COTL1: variants seen among roughly 807,000 people sequenced by gnomAD.
COTL1 encodes the protein coactosin-like protein.
Under a neutral mutation model 16.5 loss-of-function variants are expected in COTL1, and 15 were observed. That is an observed-to-expected ratio of 0.91 (90% CI 0.61 to 1.40). COTL1 has a LOEUF of 1.40. Ranked by LOEUF, COTL1 falls within the 40% of genes most tolerant of loss-of-function variation. The pLI is 0.00. For missense variants in COTL1, 220 were observed against 201.5 expected (o/e 1.09, Z -0.56); for synonymous variants, 112 against 85.3 (o/e 1.31, Z -1.73).
intron 3 of COTL1, among the ~76,000 whole-genome samples, chr16:84,577,279 C>A (rs2967844): frequency 0.042 from 6,334 of 152,256 alleles, 158 homozygotes; most frequent in African/African-American, 0.051. Context: ...GAGTCTTGCT[C>A]CACTGCCCAG....
chr16:84,617,959 G>A lies in COTL1; in HGVS notation c.-45C>T. On this transcript the variant is annotated 5_prime_UTR_variant, in exon 1 of 4. Coordinates refer to ENST00000262428, the MANE Select transcript of COTL1 (RefSeq NM_021149.5). ...GACACTGTCCGGGGCGGCCGAGCGC[G>A]CCCCTGGCCGGCGGCGGGGATGGGA... 5 of 1,409,940 alleles carry A rather than the reference G, an allele frequency of 3.5e-6. No individual in the cohort carries two copies. Among genetic ancestry groups the A allele is most frequent in the Non-Finnish European group, 4.7e-6 (5 of 1,070,162 alleles). The allele number at this position is 1,409,940 out of a possible 1,614,324, so 87.3% of individuals were successfully genotyped here.
At chr16:84,604,384 ATCC>A (rs1231188799) in intron 2 of COTL1, among the ~76,000 whole-genome samples, 1 of 122,970 alleles carries the variant, frequency 8.1e-6, no homozygotes, top group Non-Finnish European at 1.7e-5. Flanking sequence ...CAGGAGCCTC[ATCC>A]TCCTTTTTTC....
intron 3 of COTL1, among the ~76,000 whole-genome samples, chr16:84,570,480 C>T (rs1224281358): frequency 8.7e-6 from 1 of 115,024 alleles, no homozygotes; most frequent in East Asian, 3.2e-4. Context: ...ATGTTTCAAA[C>T]TACAAAAAAA....
chr16:84,581,005 G>C (rs1387459132), intron 3 of COTL1, among the ~76,000 whole-genome samples: 2 of 152,130 alleles, frequency 1.3e-5, no homozygotes, highest in Non-Finnish European at 2.9e-5. Context: ...GGCTGGGCAT[G>C]GTGGCAGGTG....
At chr16:84,600,427 C>G (rs777639018) in intron 2 of COTL1, among the ~76,000 whole-genome samples, 8 of 151,828 alleles carry the variant, frequency 5.3e-5, no homozygotes, top group Non-Finnish European at 1.0e-4. Flanking sequence ...ATTCTCCTGC[C>G]TCAGCCTCCT....
At position 84,617,924 on chromosome 16, in the gene COTL1, G is replaced by A. The variant is rs1905544634; in HGVS notation, c.-10C>T. On this transcript the variant is annotated 5_prime_UTR_variant, in exon 1 of 4. Coordinates refer to ENST00000262428, the MANE Select transcript of COTL1 (RefSeq NM_021149.5). ...CGATCTTGGTGGCCATCGCCGCGGA[G>A]CCGCAGCGGGACACTGTCCGGGGCG... 2 of 1,549,182 alleles carry A rather than the reference G, an allele frequency of 1.3e-6. No individual in the cohort carries two copies. The highest frequency in any genetic ancestry group is 1.7e-6 in the Non-Finnish European group (2 of 1,147,242).
At chr16:84,581,198 G>A (rs2326337) in intron 3 of COTL1, among the ~76,000 whole-genome samples, 55,774 of 151,698 alleles carry the variant, frequency 0.37, 11,502 homozygotes, top group African/African-American at 0.56. Flanking sequence ...TATGACATGA[G>A]CAACAAGAAG....
At position 84,617,590 on chromosome 16, in the gene COTL1, G is replaced by T. The variant is rs1452610813; in HGVS notation, c.78-7C>A. 1.5e-5 allele frequency: 23 copies of T among 1,553,226 alleles called. 1 individual carries two copies. The highest frequency in any genetic ancestry group is 1.9e-5 in the Non-Finnish European group (22 of 1,147,570). ...GTCATATTTAAAAGTCACCCTTTGG[G>T]TTGGGAGAAGAAAAAAACACACACA... On this transcript the variant is annotated splice_region_variant and splice_polypyrimidine_tract_variant and intron_variant, in intron 1 of 3. Transcript: ENST00000262428.
At chr16:84,613,313 A>T (rs1905382071) in intron 2 of COTL1, among the ~76,000 whole-genome samples, 1 of 152,122 alleles carries the variant, frequency 6.6e-6, no homozygotes, top group African/African-American at 2.4e-5. Context: ...AGTGTTTCTG[A>T]TTCCAAAGTG....
Position 84,594,395 on chromosome 16 carries a change from A to C in COTL1, c.161-4133T>G, listed in dbSNP as rs566974884. 1.3e-5 allele frequency: 2 copies of C among 152,458 alleles called. 1 individual carries two copies. The highest frequency in any genetic ancestry group is 4.1e-4 in the South Asian group (2 of 4,832). The allele number at this position is 152,458 out of a possible 1,614,324, so 9.4% of individuals were successfully genotyped here. A position where few individuals can be genotyped will look rare whatever the true frequency, so the allele number is the denominator to read the frequency against. ...TGGCAGTTCCTCACTTGTAAGGTGC[A>C]AAGTGCGCAGCCACAGGCGGCTGGT... is the stretch of plus-strand genomic sequence containing the variant. On this transcript the variant is annotated intron_variant, in intron 2 of 3. Coordinates refer to ENST00000262428, the MANE Select transcript of COTL1 (RefSeq NM_021149.5).
intron 3 of COTL1, among the ~76,000 whole-genome samples, chr16:84,578,788 C>G (rs996445055): frequency 2.0e-5 from 3 of 151,744 alleles, no homozygotes; most frequent in Admixed American, 1.3e-4. Context: ...CATACACACA[C>G]AGACACACAG....
chr16:84,600,726 C>A (rs1033088439), intron 2 of COTL1, among the ~76,000 whole-genome samples: 3 of 152,176 alleles, frequency 2.0e-5, no homozygotes, highest in African/African-American at 7.2e-5. Flanking sequence ...GCAGGAGACT[C>A]CTCAAATGAT....
At chr16:84,612,043 T>TC (rs1166519266) in intron 2 of COTL1, among the ~76,000 whole-genome samples, 3 of 151,920 alleles carry the variant, frequency 2.0e-5, no homozygotes, top group Non-Finnish European at 4.4e-5. Context: ...CCATCATCTC[T>TC]CCCCCTTCCA....
At chr16:84,600,395 C>A (rs1236535618) in intron 2 of COTL1, among the ~76,000 whole-genome samples, 1 of 150,896 alleles carries the variant, frequency 6.6e-6, no homozygotes, top group Non-Finnish European at 1.5e-5. Flanking sequence ...TTACTGCAAC[C>A]TCCGCCTCCT....
intron 2 of COTL1, among the ~76,000 whole-genome samples, chr16:84,614,709 C>T (rs895994010): frequency 3.9e-5 from 6 of 152,036 alleles, no homozygotes; most frequent in African/African-American, 1.5e-4. Flanking sequence ...GCAGGAAGCC[C>T]GAACCAGAGT....
At chr16:84,610,063 C>T (rs534094265) in intron 2 of COTL1, among the ~76,000 whole-genome samples, 1 of 152,322 alleles carries the variant, frequency 6.6e-6, no homozygotes, top group East Asian at 1.9e-4. Flanking sequence ...GACAGCCCCT[C>T]AAACATCTGA....
chr16:84,589,916 C>T (rs1426347145), intron 3 of COTL1, among the ~76,000 whole-genome samples, 189 bp downstream of exon 3: 1 of 152,184 alleles, frequency 6.6e-6, no homozygotes, highest in South Asian at 2.1e-4. Flanking sequence ...GTTAACTCCT[C>T]CTAGCCAGCA....
At chr16:84,591,633 C>G (rs1379788534) in intron 2 of COTL1, among the ~76,000 whole-genome samples, 2 of 58,990 alleles carry the variant, frequency 3.4e-5, no homozygotes, top group African/African-American at 1.6e-4. Context: ...AATCACCTCT[C>G]TAAAAAAAAA....
intron 3 of COTL1, among the ~76,000 whole-genome samples, chr16:84,588,224 T>G (rs893503981): frequency 2.0e-5 from 3 of 151,056 alleles, no homozygotes; most frequent in Admixed American, 6.6e-5. Context: ...CTCTTAAAAA[T>G]AATAATAATA....
Sources: gnomAD v4.1 joint callset for allele counts (sites outside exome capture counted in the v4.1 genomes callset) on GRCh38, gnomAD v4.1.1 for gene constraint, MANE v1.5 for transcripts, NCBI Gene and HGNC (gene_info 2026-07-23, HGNC 2026-07-21) for gene names.